DENND1A: variants seen among roughly 807,000 people sequenced by gnomAD.
DENND1A encodes the protein DENN domain containing 1A.
DENND1A carries 51 observed loss-of-function variants against 113.7 expected under a neutral mutation model. The observed-to-expected ratio is 0.45, with a 90% CI of 0.36 to 0.57. The LOEUF (loss-of-function observed/expected upper bound fraction) is 0.57, where lower values mean the gene tolerates loss of function less well. Ranked by LOEUF, DENND1A falls within the 20% of genes least tolerant of loss-of-function variation. The pLI is 0.00. For missense variants in DENND1A, 1,258 were observed against 1,395.9 expected, an observed-to-expected ratio of 0.90 and a Z score of 1.57; for synonymous variants, 565 against 570.8, an observed-to-expected ratio of 0.99 and a Z score of 0.14.
intron 9 of DENND1A, among the ~76,000 whole-genome samples, chr9:123,635,687 A>G (rs886672312): frequency 6.6e-6 from 1 of 152,244 alleles, no homozygotes; most frequent in African/African-American, 2.4e-5. Context: ...ACATTTAACT[A>G]AGGTGTTGTA....
chr9:123,451,839 G>C (rs2047740177), intron 17 of DENND1A, among the ~76,000 whole-genome samples: 1 of 152,178 alleles, frequency 6.6e-6, no homozygotes, highest in South Asian at 2.1e-4. Context: ...AGAACATTGA[G>C]ACCTTCAGGA....
At chr9:123,643,031 G>A (rs554403960) in intron 9 of DENND1A, among the ~76,000 whole-genome samples, 2 of 152,208 alleles carry the variant, frequency 1.3e-5, no homozygotes, top group South Asian at 4.2e-4. Context: ...GGATGCTGTC[G>A]GTGGGAGTGG....
intron 13 of DENND1A, among the ~76,000 whole-genome samples, chr9:123,501,117 G>C (rs1490872474): frequency 6.6e-6 from 1 of 152,056 alleles, no homozygotes; most frequent in Admixed American, 6.5e-5. Context: ...TCTCCTCCCA[G>C]CACCTGGCAA....
At chr9:123,436,365 G>C (rs1022396456) in intron 19 of DENND1A, among the ~76,000 whole-genome samples, 6 of 152,228 alleles carry the variant, frequency 3.9e-5, no homozygotes, top group African/African-American at 1.4e-4. Context: ...CTTATCTCGA[G>C]TGGAGAAACG....
chr9:123,417,485 GTTA>G, intron 19 of DENND1A, among the ~76,000 whole-genome samples: 1 of 152,218 alleles, frequency 6.6e-6, no homozygotes. Context: ...GCCCAGAGAG[GTTA>G]AGGGACTAGT....
At position 123,811,631 on chromosome 9, in the gene DENND1A, C is replaced by T. The variant is rs773873938; in HGVS notation, c.89-19001G>A. Among the ~76,000 whole-genome samples, 174 of 152,154 alleles carry T rather than the reference C, an allele frequency of 1.1e-3. 2 individuals carry two copies. The highest frequency in any genetic ancestry group is 6.8e-3 in the Middle Eastern group (2 of 294). The stretch of plus-strand genomic sequence containing the variant: ...AAAATTAGCCAGGCGTGGTGGTGGG[C>T]GCCTGTAGTCCTAGCTACTTGGGAG... On this transcript the variant is annotated intron_variant, in intron 2 of 23. Transcript: ENST00000394215.
Position 123,680,795 on chromosome 9 carries a change from C to G in DENND1A, c.303-4006G>C, listed in dbSNP as rs2064394472. 2.0e-5 allele frequency among the ~76,000 whole-genome samples: 3 copies of G among 152,246 alleles called. No individual in the cohort carries two copies. The South Asian group carries it at 6.2e-4, about 32-fold the overall frequency. ...AAATTTTAAGAGCTCTCCGACACCT[C>G]TTTCTACTAGTTCAGTTCAAAGCTA... On this transcript the variant is annotated intron_variant, in intron 5 of 23. Coordinates refer to ENST00000394215, the MANE Select transcript of DENND1A (RefSeq NM_001352964.2).
At chr9:123,588,168 G>A (rs1287648793) in intron 11 of DENND1A, among the ~76,000 whole-genome samples, 1 of 151,470 alleles carries the variant, frequency 6.6e-6, no homozygotes, top group African/African-American at 2.4e-5. Flanking sequence ...CCAGCTACTC[G>A]GGAGGCTGAG....
intron 5 of DENND1A, among the ~76,000 whole-genome samples, chr9:123,683,158 A>G (rs143942945): frequency 3.9e-5 from 6 of 152,320 alleles, no homozygotes; most frequent in African/African-American, 1.2e-4. Context: ...AGGAGACTGG[A>G]TTTTATGAAG....
At chr9:123,576,290 T>C (rs2058631649) in intron 12 of DENND1A, among the ~76,000 whole-genome samples, 1 of 152,252 alleles carries the variant, frequency 6.6e-6, no homozygotes, top group Non-Finnish European at 1.5e-5. Context: ...TTATTTTTAC[T>C]TGAAATACTC....
Position 123,871,128 on chromosome 9 carries a change from G to C in DENND1A, c.88+7823C>G, listed in dbSNP as rs562743389. 9.6e-4 allele frequency among the ~76,000 whole-genome samples: 146 copies of C among 152,136 alleles called. 1 individual carries two copies. The highest frequency in any genetic ancestry group is 3.3e-3 in the African/African-American group (137 of 41,498). ...AGACAGGGTCTAGGTCTGTTGCCTG[G>C]GCTATAGTGCAGTGGCACAATCTTG... is the stretch of plus-strand genomic sequence containing the variant. On this transcript the variant is annotated intron_variant, in intron 2 of 23. Transcript: ENST00000394215.
At chr9:123,454,706 G>A (rs748882768) in intron 16 of DENND1A, 33 bp downstream of exon 16, 4 of 1,551,686 alleles carry the variant, frequency 2.6e-6, no homozygotes, top group Non-Finnish European at 3.5e-6. Flanking sequence ...TAAGGAGGGA[G>A]TCCAGGGGGC....
At chr9:123,658,886 T>C (rs1047492960) in intron 8 of DENND1A, among the ~76,000 whole-genome samples, 1 of 152,220 alleles carries the variant, frequency 6.6e-6, no homozygotes, top group Admixed American at 6.5e-5. Flanking sequence ...ATTTCTTAGA[T>C]GGGCAGAGAG....
At chr9:123,711,914 C>T (rs989293713) in intron 5 of DENND1A, among the ~76,000 whole-genome samples, 5 of 152,148 alleles carry the variant, frequency 3.3e-5, no homozygotes, top group Non-Finnish European at 7.3e-5. Context: ...CTTTCTTCAC[C>T]ACTGGCTTAT....
chr9:123,424,849 A>G (rs943356596), intron 19 of DENND1A, among the ~76,000 whole-genome samples: 2 of 152,254 alleles, frequency 1.3e-5, no homozygotes, highest in African/African-American at 4.8e-5. Flanking sequence ...GCTGAGACAC[A>G]GGAGGTCTAC....
intron 13 of DENND1A, among the ~76,000 whole-genome samples, chr9:123,517,430 G>A (rs1443863534): frequency 2.6e-5 from 4 of 152,016 alleles, no homozygotes; most frequent in African/African-American, 9.7e-5. Context: ...GACCAGCCTG[G>A]CTAACATGGT....
chr9:123,871,341 C>T (rs7875336), intron 2 of DENND1A, among the ~76,000 whole-genome samples: 5,812 of 152,248 alleles, frequency 0.038, 115 homozygotes, highest in Middle Eastern at 0.048. Context: ...GCCTCAGCCT[C>T]CCAAAGTGCT....
At chr9:123,475,180 G>A (rs888205446) in intron 13 of DENND1A, among the ~76,000 whole-genome samples, 3 of 151,972 alleles carry the variant, frequency 2.0e-5, no homozygotes, top group East Asian at 1.9e-4. Flanking sequence ...CAACACGCCC[G>A]GCTAATTTTT....
At chr9:123,715,822 G>A (rs1416154066) in intron 5 of DENND1A, among the ~76,000 whole-genome samples, 3 of 152,004 alleles carry the variant, frequency 2.0e-5, no homozygotes, top group Admixed American at 6.6e-5. Flanking sequence ...GACGAGAGGC[G>A]GCGCCACCAT....
Sources: gnomAD v4.1 joint callset for allele counts (sites outside exome capture counted in the v4.1 genomes callset) on GRCh38, gnomAD v4.1.1 for gene constraint, MANE v1.5 for transcripts, NCBI Gene and HGNC (gene_info 2026-07-23, HGNC 2026-07-21) for gene names.